Variants in TSPAN8 observed in about 807,000 individuals in gnomAD.
The protein encoded by TSPAN8 is tetraspanin 8.
TSPAN8 carries 21 observed loss-of-function variants against 32.8 expected under a neutral mutation model. That is an observed-to-expected ratio of 0.64 (90% CI 0.45 to 0.92). The LOEUF (loss-of-function observed/expected upper bound fraction) is 0.92. Ranked by LOEUF, TSPAN8 falls within the 40% of genes least tolerant of loss-of-function variation. The pLI, the probability that TSPAN8 is intolerant of heterozygous loss-of-function variation, is 0.00. For synonymous variants in TSPAN8, 95 were observed against 94.6 expected (o/e 1.00, Z -0.03); for missense variants, 269 against 281.9 (o/e 0.95, Z 0.33).
At position 71,157,517 on chromosome 12, in the gene TSPAN8, C is replaced by T. The variant is rs541606630; in HGVS notation, c.60+102G>A. On this transcript the variant is annotated intron_variant, in intron 2 of 8. Transcript: ENST00000247829. ...AAGTACATGGAAAATACATTTTCCC[C>T]CTTCTCTTATTTCTCTAGTGTACAG... 1.7e-5 allele frequency: 13 copies of T among 775,222 alleles called. 1 individual carries two copies. The South Asian group carries it at 1.8e-4, about 11-fold the overall frequency. 48.0% of individuals were successfully genotyped at this position (775,222 alleles called of 1,614,324 possible).
intron 2 of TSPAN8, among the ~76,000 whole-genome samples, chr12:71,155,154 A>T (rs1872386606): frequency 6.6e-6 from 1 of 152,244 alleles, no homozygotes; most frequent in African/African-American, 2.4e-5. Flanking sequence ...TTAAACAGTA[A>T]ATGAGAAGTT....
At chr12:71,155,417 A>G (rs1212486114) in intron 2 of TSPAN8, among the ~76,000 whole-genome samples, 1 of 152,228 alleles carries the variant, frequency 6.6e-6, no homozygotes, top group Non-Finnish European at 1.5e-5. Context: ...GTATGCAAAC[A>G]GCAAAATCCA....
At chr12:71,143,830 T>C (rs1204342450) in intron 3 of TSPAN8, among the ~76,000 whole-genome samples, 1 of 152,162 alleles carries the variant, frequency 6.6e-6, no homozygotes, top group Non-Finnish European at 1.5e-5. Flanking sequence ...ATCCTCAATA[T>C]AGGCCTTAAA....
At chr12:71,140,506 T>C (rs1360579808) in intron 3 of TSPAN8, among the ~76,000 whole-genome samples, 1 of 152,176 alleles carries the variant, frequency 6.6e-6, no homozygotes, top group Non-Finnish European at 1.5e-5. Flanking sequence ...GTTCCTGATA[T>C]TTCATATCTA....
chr12:71,127,937 T>C (rs1376557574), intron 8 of TSPAN8, among the ~76,000 whole-genome samples: 1 of 152,230 alleles, frequency 6.6e-6, no homozygotes, highest in African/African-American at 2.4e-5. Context: ...TTCACTTAAA[T>C]CATTCATGTA....
intron 4 of TSPAN8, 146 bp downstream of exon 4, chr12:71,139,565 A>G: frequency 8.7e-7 from 1 of 1,146,234 alleles, no homozygotes; most frequent in Non-Finnish European, 1.2e-6. Context: ...TCTAAGCCAT[A>G]TCAGCTTCCA....
chr12:71,125,334 T>C lies in TSPAN8; in HGVS notation c.714A>G (p.Ter238TrpextTer14). ...MVLYCQIGNK[*>W] ...ACGATAGGTTGATGCATCCACAGAT[T>C]CATTTGTTCCCGATCTGGCAATACA... is the stretch of plus-strand genomic sequence containing the variant. The change falls in exon 9 of 9, where the codon TGA (stop) becomes TGG (tryptophan). Residue 238 changes from the stop codon to tryptophan (W), a stop_lost. Coordinates refer to ENST00000247829, the MANE Select transcript of TSPAN8 (RefSeq NM_004616.3). 1 of 1,611,752 alleles carries C rather than the reference T, an allele frequency of 6.2e-7. No individual in the cohort carries two copies. The highest frequency in any genetic ancestry group is 1.1e-5 in the South Asian group (1 of 90,550).
At chr12:71,128,667 A>T (rs578174321) in intron 8 of TSPAN8, among the ~76,000 whole-genome samples, 3 of 149,664 alleles carry the variant, frequency 2.0e-5, no homozygotes, top group Non-Finnish European at 4.4e-5. Context: ...AAAAAAAAAC[A>T]TGCCAAGAAA....
At chr12:71,139,101 T>C in intron 4 of TSPAN8, 1 of 444,342 alleles carries the variant, frequency 2.3e-6, no homozygotes, top group Non-Finnish European at 4.5e-6. Flanking sequence ...TCATTTAAAC[T>C]TTTTTTTTAG....
Position 71,138,032 on chromosome 12 carries a change from TAG to T in TSPAN8, c.363_364del (p.Tyr122Ter), listed in dbSNP as rs1871767785. ...GGCGCTCAAAAGCTTTGTGTTTTCATAGAGAGTTTCATTCACAATGCGATCAG... is the reference window on the plus strand; with the variant it reads ...GGCGCTCAAAAGCTTTGTGTTTTCATAGAGTTTCATTCACAATGCGATCAG... On this transcript the variant is annotated frameshift_variant, in exon 6 of 9. Coordinates refer to ENST00000247829, the MANE Select transcript of TSPAN8 (RefSeq NM_004616.3). LOFTEE classifies it high-confidence loss of function. 1.2e-6 allele frequency: 2 copies of T among 1,614,080 alleles called. No individual in the cohort carries two copies. Among genetic ancestry groups the T allele is most frequent in the Non-Finnish European group, 1.7e-6 (2 of 1,179,992 alleles).
At chr12:71,130,516 A>G (rs1871487762) in intron 7 of TSPAN8, among the ~76,000 whole-genome samples, 1 of 152,204 alleles carries the variant, frequency 6.6e-6, no homozygotes, top group Non-Finnish European at 1.5e-5. Flanking sequence ...ACACAGTATA[A>G]TTGTGTTATT....
rs575259092 is a variant in TSPAN8, at chr12:71,149,784, C to T, written c.61-5571G>A. Reference sequence around the variant, plus strand: ...TTAACTGTATAAATTGATTGTAAAACATGTGCGTTTGAACAATATGAAATC... The same window carrying T: ...TTAACTGTATAAATTGATTGTAAAATATGTGCGTTTGAACAATATGAAATC... On this transcript the variant is annotated intron_variant, in intron 2 of 8. Transcript: ENST00000247829. 2.9e-4 allele frequency among the ~76,000 whole-genome samples: 44 copies of T among 152,310 alleles called. 1 individual carries two copies. The highest frequency in any genetic ancestry group is 2.4e-3 in the Admixed American group (37 of 15,300).
In TSPAN8 at chr12:71,136,715, A is replaced by G. The variant is rs573480782; in HGVS notation, c.444+1238T>C. 2.0e-5 allele frequency among the ~76,000 whole-genome samples: 3 copies of G among 152,304 alleles called. No individual in the cohort carries two copies. In the South Asian group the frequency reaches 6.2e-4, roughly 32 times the overall value. Reference sequence around the variant, plus strand: ...TTGACTTTAAAGAAAAAAGGAGGGGATAGTATACTGATTTAAAAAATAACA... The same window carrying G: ...TTGACTTTAAAGAAAAAAGGAGGGGGTAGTATACTGATTTAAAAAATAACA... On this transcript the variant is annotated intron_variant, in intron 6 of 8. Coordinates refer to ENST00000247829, the MANE Select transcript of TSPAN8 (RefSeq NM_004616.3).
intron 6 of TSPAN8, among the ~76,000 whole-genome samples, chr12:71,133,997 T>C (rs189011361): frequency 1.1e-4 from 17 of 152,326 alleles, no homozygotes; most frequent in Admixed American, 3.3e-4. Context: ...AATTTTCACT[T>C]ACTGGGCAGG....
At chr12:71,132,883 T>C in intron 6 of TSPAN8, 59 bp from the exon 7 acceptor site, 2 of 1,569,384 alleles carry the variant, frequency 1.3e-6, no homozygotes, top group Non-Finnish European at 1.7e-6. Context: ...ACATTGGCAA[T>C]ACATTAAATT....
rs372301090 is a variant in TSPAN8, at chr12:71,151,024, GT to G, written c.60+6594del. On this transcript the variant is annotated intron_variant, in intron 2 of 8. Coordinates refer to ENST00000247829, the MANE Select transcript of TSPAN8 (RefSeq NM_004616.3). ...AAACAGACTGATACAAGTGTTAAGT[GT>G]ACACTCAATGTGTCTCCATGATTGC... Among the ~76,000 whole-genome samples the G allele has an allele frequency of 1.1e-4, 17 of 151,588 alleles. No individual in the cohort carries two copies. In the East Asian group the frequency reaches 1.8e-3, roughly 16 times the overall value.
chr12:71,157,866 A>G lies in TSPAN8; in HGVS notation c.-110+64T>C, dbSNP rs11834208. 2.6e-3 allele frequency: 1,483 copies of G among 571,232 alleles called. 19 individuals carry two copies. Among genetic ancestry groups the G allele is most frequent in the African/African-American group, 0.023 (1,232 of 53,680 alleles). 35.4% of individuals were successfully genotyped at this position (571,232 alleles called of 1,614,324 possible). A position where few individuals can be genotyped will look rare whatever the true frequency, so the allele number is the denominator to read the frequency against. On this transcript the variant is annotated intron_variant, in intron 1 of 8. Transcript: ENST00000247829. ...AAACTGGATAAAAAAATTAACCCAC[A>G]CATTTAAATATCGCAAAGGCTATTA...
chr12:71,128,961 TTGCTTTGTTTGG>T (rs1301963117), intron 8 of TSPAN8, among the ~76,000 whole-genome samples: 2 of 151,788 alleles, frequency 1.3e-5, no homozygotes, highest in African/African-American at 4.8e-5. Context: ...AGGTCGTATT[TTGCTTTGTTTGG>T]TGCTTTTTCT....
chr12:71,146,083 C>T (rs2137057259), intron 2 of TSPAN8, among the ~76,000 whole-genome samples: 1 of 152,148 alleles, frequency 6.6e-6, no homozygotes, highest in African/African-American at 2.4e-5. Flanking sequence ...AACTTTTAGT[C>T]TTCTCAGCCA....
Sources: allele counts gnomAD v4.1 joint callset (sites outside exome capture counted in the v4.1 genomes callset), GRCh38; gene constraint gnomAD v4.1.1; transcripts MANE v1.5; gene names NCBI Gene and HGNC (gene_info 2026-07-23, HGNC 2026-07-21).